The following ATF7 variants were observed in gnomAD, a reference collection of about 807,000 sequenced individuals.
The protein encoded by ATF7 is activating transcription factor 7.
In ATF7, 10 loss-of-function variants were observed where a neutral mutation model predicts 50.4. That is an observed-to-expected ratio of 0.20 (90% CI 0.12 to 0.34). The LOEUF (loss-of-function observed/expected upper bound fraction) is 0.34. ATF7 is among the 10% of genes least tolerant of loss of function. The pLI is 1.00. For synonymous variants in ATF7, 201 were observed against 226.4 expected, an observed-to-expected ratio of 0.89 and a Z score of 1.01; for missense variants, 465 against 613.9, an observed-to-expected ratio of 0.76 and a Z score of 2.56.
intron 1 of ATF7, among the ~76,000 whole-genome samples, chr12:53,603,844 C>G (rs1943499459): frequency 6.6e-6 from 1 of 151,902 alleles, no homozygotes; most frequent in African/African-American, 2.4e-5. Context: ...ACACTTAAAA[C>G]AAATCTTTAA....
chr12:53,570,512 T>C (rs952096331), intron 2 of ATF7, among the ~76,000 whole-genome samples: 2 of 152,144 alleles, frequency 1.3e-5, no homozygotes, highest in Non-Finnish European at 2.9e-5. Flanking sequence ...ATGCCTCCAG[T>C]ATAGACCTGT....
intron 9 of ATF7, among the ~76,000 whole-genome samples, chr12:53,531,507 A>C (rs1179849145): frequency 6.6e-6 from 1 of 152,118 alleles, no homozygotes; most frequent in East Asian, 1.9e-4. Flanking sequence ...CACAAGGGTG[A>C]ATAAAGAATG....
At chr12:53,528,445 C>T (rs377601760) in intron 9 of ATF7, among the ~76,000 whole-genome samples, 9 of 151,008 alleles carry the variant, frequency 6.0e-5, no homozygotes, top group East Asian at 2.0e-4. Flanking sequence ...CTGGGCAACA[C>T]GGTGAAACCC....
intron 2 of ATF7, among the ~76,000 whole-genome samples, chr12:53,586,245 A>C (rs1215271762): frequency 2.0e-5 from 3 of 152,172 alleles, no homozygotes; most frequent in East Asian, 1.9e-4. Flanking sequence ...AGACCCCTGA[A>C]ATTTTTAGAC....
downstream of ATF7, among the ~76,000 whole-genome samples, chr12:53,510,085 G>A (rs994428179): frequency 4.0e-5 from 6 of 151,376 alleles, no homozygotes. Context: ...TGTTGCCCAG[G>A]CTGGAGTGCA....
At position 53,532,648 on chromosome 12, in the gene ATF7, A is replaced by AC. The variant is rs757387036; in HGVS notation, c.661-26_661-25insG. On this transcript the variant is annotated intron_variant, in intron 7 of 11. Coordinates refer to ENST00000420353, the MANE Select transcript of ATF7 (RefSeq NM_006856.3). ...GCTGGATCGAGAGAAGGAAAAAAAA[A>AC]AAAAGAGAAGGGAACATAATACCAT... 118 of 1,498,178 alleles carry AC rather than the reference A, an allele frequency of 7.9e-5. 4 individuals carry two copies. The South Asian group carries it at 1.4e-3, about 18-fold the overall frequency. 92.8% of individuals were successfully genotyped at this position (1,498,178 alleles called of 1,614,324 possible).
At chr12:53,547,063 C>G (rs1939976623) in intron 3 of ATF7, among the ~76,000 whole-genome samples, 1 of 147,738 alleles carries the variant, frequency 6.8e-6, no homozygotes, top group South Asian at 2.2e-4. Flanking sequence ...TGGCTCACTG[C>G]AAGCTCCACC....
At chr12:53,563,260 A>G (rs1320309987) in intron 2 of ATF7, among the ~76,000 whole-genome samples, 1 of 152,128 alleles carries the variant, frequency 6.6e-6, no homozygotes, top group African/African-American at 2.4e-5. Context: ...ATGGAAATTT[A>G]TTTATATAAT....
At chr12:53,594,663 G>A (rs541271249) in intron 2 of ATF7, among the ~76,000 whole-genome samples, 1 of 152,232 alleles carries the variant, frequency 6.6e-6, no homozygotes, top group African/African-American at 2.4e-5. Flanking sequence ...TGAGGCAGGC[G>A]GATCACCTGA....
chr12:53,564,175 G>A (rs191207444), intron 2 of ATF7, among the ~76,000 whole-genome samples: 140 of 152,298 alleles, frequency 9.2e-4, no homozygotes, highest in African/African-American at 3.2e-3. Flanking sequence ...AGGCGTTTGA[G>A]ACCAGCCTGG....
chr12:53,567,530 C>T (rs957560285), intron 2 of ATF7, among the ~76,000 whole-genome samples: 9 of 152,202 alleles, frequency 5.9e-5, no homozygotes, highest in Admixed American at 1.3e-4. Context: ...TTGGGAACTA[C>T]GCTTAAGAAT....
intron 1 of ATF7, among the ~76,000 whole-genome samples, chr12:53,619,419 A>AGAAGTTGCAGTG (rs1944281614): frequency 6.6e-6 from 1 of 150,836 alleles, no homozygotes; most frequent in African/African-American, 2.4e-5. Context: ...CCCAGGAGGC[A>AGAAGTTGCAGTG]GAAGTTGCAG....
At chr12:53,537,767 C>T (rs1241341869) in intron 4 of ATF7, among the ~76,000 whole-genome samples, 3 of 152,088 alleles carry the variant, frequency 2.0e-5, no homozygotes, top group Non-Finnish European at 4.4e-5. Flanking sequence ...GGCTAGAGTG[C>T]AATGGTGTGA....
chr12:53,567,421 G>C (rs1275145207), intron 2 of ATF7, among the ~76,000 whole-genome samples: 1 of 152,204 alleles, frequency 6.6e-6, no homozygotes, highest in African/African-American at 2.4e-5. Context: ...CCTCACTAAA[G>C]AATGGAGTTT....
At chr12:53,585,580 A>C (rs1426742280) in intron 2 of ATF7, among the ~76,000 whole-genome samples, 2 of 152,234 alleles carry the variant, frequency 1.3e-5, no homozygotes, top group African/African-American at 4.8e-5. Flanking sequence ...GAAAACCACT[A>C]AGTAAATGTG....
intron 2 of ATF7, among the ~76,000 whole-genome samples, chr12:53,570,621 A>T (rs887218508): frequency 4.6e-5 from 7 of 152,110 alleles, no homozygotes; most frequent in Non-Finnish European, 2.9e-5. Context: ...CTTCTGAAGG[A>T]TGTCAGCAAG....
chr12:53,536,449 G>A (rs2137401454), intron 5 of ATF7, among the ~76,000 whole-genome samples: 1 of 151,882 alleles, frequency 6.6e-6, no homozygotes, highest in East Asian at 2.0e-4. Flanking sequence ...GCTAATTTTT[G>A]TATTTTTGGT....
rs540036855 is a variant in ATF7, at chr12:53,523,228, A to G, written c.1234+48T>C. On this transcript the variant is annotated intron_variant, in intron 11 of 11. Transcript: ENST00000420353. ...TATAAGCAGTTGAGACACTCAGTACATGCAGTTTACTGACTGACTGACTTA... is the reference window on the plus strand; with the variant it reads ...TATAAGCAGTTGAGACACTCAGTACGTGCAGTTTACTGACTGACTGACTTA... The G allele has an allele frequency of 6.9e-6, 9 of 1,311,160 alleles. No homozygotes were observed. The African/African-American group carries it at 1.3e-4, about 19-fold the overall frequency. The allele number at this position is 1,311,160 out of a possible 1,614,324, so 81.2% of individuals were successfully genotyped here.
chr12:53,600,585 G>A (rs1943354222), intron 2 of ATF7, among the ~76,000 whole-genome samples: 1 of 152,192 alleles, frequency 6.6e-6, no homozygotes, highest in Non-Finnish European at 1.5e-5. Context: ...GCCCATCTCG[G>A]CCTCCCAAAG....
Sources: allele counts gnomAD v4.1 joint callset (sites outside exome capture counted in the v4.1 genomes callset), GRCh38; gene constraint gnomAD v4.1.1; transcripts MANE v1.5; gene names NCBI Gene and HGNC (gene_info 2026-07-23, HGNC 2026-07-21).